Variants in CNDP1 observed in about 807,000 individuals in gnomAD.
CNDP1 encodes carnosine dipeptidase 1.
A neutral mutation model predicts 58.1 loss-of-function variants in CNDP1; 44 were observed. The ratio of observed to expected loss-of-function variants is 0.76; its 90% confidence interval spans 0.60 to 0.97. The LOEUF (loss-of-function observed/expected upper bound fraction) is 0.97. CNDP1 is among the 50% of genes least tolerant of loss of function. The pLI, the probability that CNDP1 is intolerant of heterozygous loss-of-function variation, is 0.00. For synonymous variants in CNDP1, 254 were observed against 252.6 expected, an observed-to-expected ratio of 1.01 and a Z score of -0.05; for missense variants, 616 against 655.1, an observed-to-expected ratio of 0.94 and a Z score of 0.65.
intron 1 of CNDP1, among the ~76,000 whole-genome samples, chr18:74,547,722 G>A (rs1353842975): frequency 1.3e-5 from 2 of 152,230 alleles, no homozygotes; most frequent in Non-Finnish European, 2.9e-5. Context: ...GCTGTGGGAG[G>A]AGAAAGAGGA....
chr18:74,556,494 C>A (rs751318789), intron 2 of CNDP1, 28 bp downstream of exon 2: 2 of 1,612,362 alleles, frequency 1.2e-6, no homozygotes, highest in African/African-American at 2.7e-5. Context: ...CACAACTACA[C>A]ACAGAATGCT....
chr18:74,582,884 C>T (rs990635067), intron 10 of CNDP1, among the ~76,000 whole-genome samples: 8 of 152,178 alleles, frequency 5.3e-5, no homozygotes, highest in Non-Finnish European at 1.2e-4. Flanking sequence ...TTACATAAGA[C>T]GTTCATATCA....
chr18:74,584,527 G>C lies in CNDP1; in HGVS notation c.1489G>C (p.Ala497Pro), dbSNP rs1421626195. ...WNYIEGTKLF[A>P]AFFLEMAQLH ...CTACATAGAGGGAACCAAATTATTT[G>C]CTGCCTTTTTCTTAGAGATGGCCCA... Residue 497 changes from alanine (A) to proline (P), a missense_variant, in exon 12 of 12, where the codon GCT (alanine) becomes CCT (proline). By Grantham distance (27) the Ala-to-Pro change is conservative. Coordinates refer to ENST00000358821, the MANE Select transcript of CNDP1 (RefSeq NM_032649.6). The C allele has an allele frequency of 6.2e-7, 1 of 1,613,764 alleles. No homozygotes were observed. The highest frequency in any genetic ancestry group is 8.5e-7 in the Non-Finnish European group (1 of 1,179,830).
Position 74,568,621 on chromosome 18 carries a change from A to G in CNDP1, c.756+1188A>G, listed in dbSNP as rs60492707. Among the ~76,000 whole-genome samples, 810 of 152,246 alleles carry G rather than the reference A, an allele frequency of 5.3e-3. 9 individuals are homozygous for G. The highest frequency in any genetic ancestry group is 0.018 in the African/African-American group (746 of 41,512). On this transcript the variant is annotated intron_variant, in intron 6 of 11. Transcript: ENST00000358821. The stretch of plus-strand genomic sequence containing the variant: ...CGAGCTCCAGACCCAGGGGAAGAAA[A>G]TAACCTCTTCTGTGAGGGCTTTGGG...
intron 5 of CNDP1, among the ~76,000 whole-genome samples, chr18:74,565,880 C>T (rs1981316148): frequency 6.6e-6 from 1 of 152,260 alleles, no homozygotes; most frequent in Non-Finnish European, 1.5e-5. Context: ...CCACATTTCC[C>T]TTCCACACTG....
chr18:74,573,452 G>GTATC (rs1171454745), intron 7 of CNDP1, among the ~76,000 whole-genome samples: 1,468 of 99,852 alleles, frequency 0.015, 39 homozygotes, highest in East Asian at 0.14. Context: ...ATGTATCTAT[G>GTATC]TATCTATCTA....
chr18:74,578,325 C>T lies in CNDP1; in HGVS notation c.1165C>T (p.Gln389Ter). 1 of 1,601,446 alleles carries T rather than the reference C, an allele frequency of 6.2e-7. No individual in the cohort carries two copies. The part of the protein sequence containing the change: ...PHMNVSAVEK[Q>*]VTRHLEDVFS... ...CATGAATGTGTCTGCGGTGGAAAAACAGGTAACAAATGCTTATTGTGACAA... is the reference window on the plus strand; with the variant it reads ...CATGAATGTGTCTGCGGTGGAAAAATAGGTAACAAATGCTTATTGTGACAA... The change falls in exon 9 of 12, where the codon CAG becomes TAG. Residue 389 changes from glutamine (Q) to a stop codon, truncating the protein, a stop_gained and splice_region_variant. Transcript: ENST00000358821. LOFTEE classifies it high-confidence loss of function.
intron 6 of CNDP1, among the ~76,000 whole-genome samples, chr18:74,570,137 T>C (rs1981436538): frequency 2.0e-5 from 3 of 149,910 alleles, no homozygotes; most frequent in African/African-American, 7.4e-5. Flanking sequence ...AGGCGGAGAT[T>C]GCAGTGAGCT....
chr18:74,539,572 C>T (rs888932439), intron 1 of CNDP1, among the ~76,000 whole-genome samples: 1 of 152,218 alleles, frequency 6.6e-6, no homozygotes, highest in Admixed American at 6.5e-5. Context: ...CGACCAAACT[C>T]CTTGTTAGTG....
intron 7 of CNDP1, chr18:74,576,557 C>A: frequency 3.5e-6 from 1 of 286,212 alleles, no homozygotes; most frequent in Non-Finnish European, 6.4e-6. Context: ...AAAGGCATAG[C>A]TGAGAACGTG....
In CNDP1 at chr18:74,562,030, T is replaced by G; in HGVS notation, c.467-17T>G. ...GGTGTCCACACTTCTCTGAACATTC[T>G]TCTCCCCTTTTTAAAGGGAAACTTT... On this transcript the variant is annotated splice_polypyrimidine_tract_variant and intron_variant, in intron 4 of 11. Coordinates refer to ENST00000358821, the MANE Select transcript of CNDP1 (RefSeq NM_032649.6). The G allele has an allele frequency of 6.2e-7, 1 of 1,611,030 alleles. No homozygotes were observed. The highest frequency in any genetic ancestry group is 1.1e-5 in the South Asian group (1 of 91,014).
At chr18:74,557,224 T>C (rs1981066571) in intron 2 of CNDP1, among the ~76,000 whole-genome samples, 2 of 151,574 alleles carry the variant, frequency 1.3e-5, no homozygotes, top group Admixed American at 6.6e-5. Context: ...GGCCCTCTTT[T>C]TTTCTGTTAT....
At chr18:74,583,902 T>C in intron 11 of CNDP1, 194 bp downstream of exon 11, 1 of 587,828 alleles carries the variant, frequency 1.7e-6, no homozygotes, top group East Asian at 2.9e-5. Flanking sequence ...GCCATTTGGT[T>C]CCTGGTGGGT....
At chr18:74,562,422 CACA>C (rs1255854351) in intron 5 of CNDP1, among the ~76,000 whole-genome samples, 2 of 152,202 alleles carry the variant, frequency 1.3e-5, no homozygotes, top group African/African-American at 4.8e-5. Context: ...CAGCCAAAGA[CACA>C]ACAAGCCTGT....
chr18:74,555,522 T>C (rs570526712), intron 1 of CNDP1, among the ~76,000 whole-genome samples: 18 of 152,192 alleles, frequency 1.2e-4, no homozygotes, highest in African/African-American at 4.3e-4. Context: ...CTGGGGGGCC[T>C]CTGTGAAGGG....
intron 1 of CNDP1, among the ~76,000 whole-genome samples, chr18:74,546,182 G>A (rs1014426029): frequency 2.0e-5 from 3 of 152,192 alleles, no homozygotes; most frequent in Non-Finnish European, 2.9e-5. Flanking sequence ...TCTAGATGAT[G>A]GAAGGTTCCG....
chr18:74,569,945 C>T (rs553707559), intron 6 of CNDP1, among the ~76,000 whole-genome samples: 5 of 149,948 alleles, frequency 3.3e-5, no homozygotes, highest in East Asian at 2.0e-4. Flanking sequence ...TAGCACTTTG[C>T]GAGGCTGAGG....
intron 1 of CNDP1, among the ~76,000 whole-genome samples, chr18:74,550,791 G>T (rs575649478): frequency 6.6e-6 from 1 of 151,198 alleles, no homozygotes; most frequent in East Asian, 1.9e-4. Context: ...TAGTAGAGAC[G>T]GGGTTTCACC....
intron 6 of CNDP1, among the ~76,000 whole-genome samples, chr18:74,568,403 G>A (rs1981385070): frequency 6.6e-6 from 1 of 152,188 alleles, no homozygotes; most frequent in African/African-American, 2.4e-5. Context: ...ATGTGGGAGT[G>A]ACAGAGAAAA....
Sources: gnomAD v4.1 joint callset for allele counts (sites outside exome capture counted in the v4.1 genomes callset) on GRCh38, gnomAD v4.1.1 for gene constraint, MANE v1.5 for transcripts, NCBI Gene and HGNC (gene_info 2026-07-23, HGNC 2026-07-21) for gene names.